The following EBF3 variants were observed in gnomAD, a reference collection of about 807,000 sequenced individuals.
The protein encoded by EBF3 is EBF transcription factor 3.
In EBF3, 18 loss-of-function variants were observed where a neutral mutation model predicts 77.1. The observed-to-expected ratio is 0.23, with a 90% CI of 0.16 to 0.35. The LOEUF is 0.35. EBF3 is among the 10% of genes least tolerant of loss of function. The pLI is 1.00. For missense variants in EBF3, 558 were observed against 860.0 expected, an observed-to-expected ratio of 0.65 and a Z score of 4.39; for synonymous variants, 350 against 343.5, an observed-to-expected ratio of 1.02 and a Z score of -0.21.
chr10:129,956,585 G>A (rs1010612024), intron 6 of EBF3, among the ~76,000 whole-genome samples: 1 of 152,228 alleles, frequency 6.6e-6, no homozygotes, highest in Non-Finnish European at 1.5e-5. Context: ...ATCTTAAAAG[G>A]ATGCAGCATT....
chr10:129,865,518 G>C (rs1851943796), intron 10 of EBF3, among the ~76,000 whole-genome samples: 1 of 152,228 alleles, frequency 6.6e-6, no homozygotes, highest in African/African-American at 2.4e-5. Context: ...TGTGTGTGCT[G>C]GTCCCACAGA....
At chr10:129,950,285 C>T (rs1471884545) in intron 6 of EBF3, among the ~76,000 whole-genome samples, 1 of 152,214 alleles carries the variant, frequency 6.6e-6, no homozygotes, top group Non-Finnish European at 1.5e-5. Flanking sequence ...CCACCGTTTG[C>T]AGAGGATGCG....
At chr10:129,857,897 C>T (rs1166202400) in intron 10 of EBF3, among the ~76,000 whole-genome samples, 3 of 152,346 alleles carry the variant, frequency 2.0e-5, no homozygotes, top group South Asian at 2.1e-4. Context: ...ATGTTGATGG[C>T]GAGCTTCCAC....
intron 10 of EBF3, among the ~76,000 whole-genome samples, chr10:129,849,223 C>T (rs1458775237): frequency 6.6e-6 from 1 of 152,220 alleles, no homozygotes; most frequent in Non-Finnish European, 1.5e-5. Context: ...AGCCATCGGG[C>T]TTTATTATGG....
chr10:129,853,225 C>T (rs1851018807), intron 10 of EBF3, among the ~76,000 whole-genome samples: 1 of 152,198 alleles, frequency 6.6e-6, no homozygotes, highest in Non-Finnish European at 1.5e-5. Context: ...GGAAGTGAGA[C>T]GCTTTTAGCA....
Position 129,842,135 on chromosome 10 carries a change from C to T in EBF3, c.1353G>A (p.Thr451=), listed in dbSNP as rs761645191. 17 of 1,614,110 alleles carry T rather than the reference C, an allele frequency of 1.1e-5. No individual in the cohort carries two copies. The highest frequency in any genetic ancestry group is 1.7e-5 in the Admixed American group (1 of 60,004). The part of the protein sequence containing the change: ...SSQLAVNVSE[T]SQANDQVGYS... Reference sequence around the variant, plus strand: ...GCATACCTTGGTCGTTGGCTTGTGACGTCTCTGACACGTTGACGGCTAGCT... The same window carrying T: ...GCATACCTTGGTCGTTGGCTTGTGATGTCTCTGACACGTTGACGGCTAGCT... The change falls in exon 13 of 17, where the codon ACG becomes ACA. Residue 451 remains threonine, a synonymous_variant. Transcript: ENST00000440978. The surrounding 1 kb of genome is among the most constrained non-coding windows in gnomAD (Gnocchi z 4.4).
Position 129,943,914 on chromosome 10 carries a change from C to G in EBF3, c.554+13344G>C, listed in dbSNP as rs1857983458. Among the ~76,000 whole-genome samples the G allele has an allele frequency of 6.6e-6, 1 of 152,170 alleles. No homozygotes were observed. The highest frequency in any genetic ancestry group is 2.4e-5 in the African/African-American group (1 of 41,428). On this transcript the variant is annotated intron_variant, in intron 6 of 16. Coordinates refer to ENST00000440978, the MANE Select transcript of EBF3 (RefSeq NM_001375380.1). This position sits in a 1 kb window ranked among gnomAD's most constrained non-coding sequence, Gnocchi z 8.8. ...GACCCAGCTGAAACCGTAAAATGCT[C>G]GGTAAAACCAGTCGCTCTGAGGGTG... is the stretch of plus-strand genomic sequence containing the variant.
rs1270972838 is a variant in EBF3 at position 129,863,136 on chromosome 10, A to AT, written c.1039+4004dup. ...TTAACTGGCAATTACATACAGAGTG[A>AT]TTGTTAATTCTGCTCCTAAGTGCTA... On this transcript the variant is annotated intron_variant, in intron 10 of 16. Transcript: ENST00000440978. The surrounding 1 kb of genome is among the most constrained non-coding windows in gnomAD (Gnocchi z 4.0). Among the ~76,000 whole-genome samples the AT allele has an allele frequency of 6.6e-6, 1 of 152,210 alleles. No individual in the cohort carries two copies. The highest frequency in any genetic ancestry group is 1.5e-5 in the Non-Finnish European group (1 of 68,032).
In EBF3 at chr10:129,870,659, C is replaced by T. The variant is rs747902652; in HGVS notation, c.782-2747G>A. Reference sequence around the variant, plus strand: ...ACCCTCTGCCCATCGTGACCCCCGCCGGCTCTCCCCAGGGCCTGCGGGGAC... The same window carrying T: ...ACCCTCTGCCCATCGTGACCCCCGCTGGCTCTCCCCAGGGCCTGCGGGGAC... On this transcript the variant is annotated intron_variant, in intron 8 of 16. Coordinates refer to ENST00000440978, the MANE Select transcript of EBF3 (RefSeq NM_001375380.1). The surrounding 1 kb of genome is among the most constrained non-coding windows in gnomAD (Gnocchi z 4.4). Among the ~76,000 whole-genome samples the T allele has an allele frequency of 6.6e-6, 1 of 152,110 alleles. No individual in the cohort carries two copies. The highest frequency in any genetic ancestry group is 1.9e-4 in the East Asian group (1 of 5,170).
intron 11 of EBF3, among the ~76,000 whole-genome samples, chr10:129,844,303 G>A (rs1030653987): frequency 2.0e-5 from 3 of 147,360 alleles, no homozygotes; most frequent in Non-Finnish European, 4.4e-5. Flanking sequence ...CCCCAAAGGT[G>A]ACTGGACAAA....
At chr10:129,942,833 C>T (rs1376845712) in intron 6 of EBF3, among the ~76,000 whole-genome samples, 1 of 152,152 alleles carries the variant, frequency 6.6e-6, no homozygotes, top group South Asian at 2.1e-4. Context: ...ACTCTCCTCC[C>T]ATACAAATCT....
At chr10:129,881,559 G>C (rs1853212283) in intron 6 of EBF3, among the ~76,000 whole-genome samples, 1 of 152,210 alleles carries the variant, frequency 6.6e-6, no homozygotes, top group Non-Finnish European at 1.5e-5. Flanking sequence ...ACCAGCAGAA[G>C]GGGGAAAGGT....
rs1386248684 is a variant in EBF3 at position 129,863,198 on chromosome 10, CCTT to C, written c.1039+3940_1039+3942del. 3.3e-5 allele frequency among the ~76,000 whole-genome samples: 5 copies of C among 152,194 alleles called. No individual in the cohort carries two copies. The highest frequency in any genetic ancestry group is 6.5e-5 in the Admixed American group (1 of 15,280). Reference sequence around the variant, plus strand: ...ATTGTTCTCTCTCTCTAATTTCTGACCTTCTTACAACAGGGTGAGGCACATGGG... The same window carrying C: ...ATTGTTCTCTCTCTCTAATTTCTGACCTTACAACAGGGTGAGGCACATGGG... On this transcript the variant is annotated intron_variant, in intron 10 of 16. Transcript: ENST00000440978. The surrounding 1 kb of genome is among the most constrained non-coding windows in gnomAD (Gnocchi z 4.0).
intron 11 of EBF3, among the ~76,000 whole-genome samples, chr10:129,846,861 C>T (rs945738996): frequency 7.1e-6 from 1 of 140,356 alleles, no homozygotes; most frequent in Non-Finnish European, 1.6e-5. Context: ...GATCTGTCAC[C>T]CTGCTGGAGG....
intron 5 of EBF3, 128 bp downstream of exon 5, chr10:129,958,806 C>A: frequency 1.5e-6 from 2 of 1,290,720 alleles, no homozygotes; most frequent in South Asian, 1.7e-5. Flanking sequence ...GGCCTCGGGC[C>A]GATTACATTT....
At position 129,873,435 on chromosome 10, in the gene EBF3, A is replaced by G; in HGVS notation, c.781+17T>C. 6.7e-7 allele frequency: 1 copy of G among 1,500,524 alleles called. No individual in the cohort carries two copies. Among genetic ancestry groups the G allele is most frequent in the Non-Finnish European group, 8.9e-7 (1 of 1,120,852 alleles). The allele number at this position is 1,500,524 out of a possible 1,614,324, so 93.0% of individuals were successfully genotyped here. Reference sequence around the variant, plus strand: ...AGAAGCATCGCAAATAAAAAAAGACATGTAACATGTGCCTACCATTTTCCA... The same window carrying G: ...AGAAGCATCGCAAATAAAAAAAGACGTGTAACATGTGCCTACCATTTTCCA... On this transcript the variant is annotated intron_variant, in intron 8 of 16. Coordinates refer to ENST00000440978, the MANE Select transcript of EBF3 (RefSeq NM_001375380.1).
At chr10:129,866,433 G>A (rs541312132) in intron 10 of EBF3, among the ~76,000 whole-genome samples, 12 of 152,312 alleles carry the variant, frequency 7.9e-5, no homozygotes, top group East Asian at 5.8e-4. Flanking sequence ...GTTTAGTTAC[G>A]GCATTTCTCA....
chr10:129,959,133 C>G, intron 4 of EBF3, 126 bp from the exon 5 acceptor site: 2 of 1,152,330 alleles, frequency 1.7e-6, no homozygotes, highest in Non-Finnish European at 2.5e-6. Flanking sequence ...GATGCGCCCC[C>G]CTCCCTCGGC....
In EBF3 at chr10:129,840,854, A is replaced by T; in HGVS notation, c.1551T>A (p.Ser517=). 8.1e-6 allele frequency: 13 copies of T among 1,613,068 alleles called. No homozygotes were observed. Among genetic ancestry groups the T allele is most frequent in the Non-Finnish European group, 1.1e-5 (13 of 1,179,462 alleles). The change falls in exon 14 of 17, where the codon TCT becomes TCA. Residue 517 remains serine, a synonymous_variant. Coordinates refer to ENST00000440978, the MANE Select transcript of EBF3 (RefSeq NM_001375380.1). ...AAAACAGACACTTACTGCCGTAGGG[A>T]GAGTTAGCGGAGGAGCCATTAAGAA... ...PGFLNGSSAN[S]PYGIVPSSPT...
Sources: gnomAD v4.1 joint callset for allele counts (sites outside exome capture counted in the v4.1 genomes callset) on GRCh38, gnomAD v4.1.1 for gene constraint, Gnocchi (gnomAD v3.1) non-coding constraint, MANE v1.5 for transcripts, NCBI Gene and HGNC (gene_info 2026-07-23, HGNC 2026-07-21) for gene names.